Variants in IFNAR1 observed in about 807,000 individuals in gnomAD.
IFNAR1 encodes interferon alpha/beta receptor 1.
In IFNAR1, 47 loss-of-function variants were observed where a neutral mutation model predicts 62.1. The observed-to-expected ratio is 0.76, with a 90% CI of 0.60 to 0.97. The LOEUF is 0.97. Among genes scored for constraint, IFNAR1 ranks in the 50% least tolerant of loss-of-function variants. The pLI is 0.00. For missense variants in IFNAR1, 638 were observed against 654.5 expected, an observed-to-expected ratio of 0.97 and a Z score of 0.27; for synonymous variants, 219 against 226.9, an observed-to-expected ratio of 0.97 and a Z score of 0.31.
chr21:33,338,096 G>A (rs924555360), intron 2 of IFNAR1, among the ~76,000 whole-genome samples: 7 of 152,198 alleles, frequency 4.6e-5, no homozygotes, highest in African/African-American at 1.7e-4. Context: ...GCAAAAGATA[G>A]GAATAGATAT....
chr21:33,330,557 A>C (rs940369988), intron 1 of IFNAR1, among the ~76,000 whole-genome samples: 2 of 152,160 alleles, frequency 1.3e-5, no homozygotes, highest in African/African-American at 4.8e-5. Flanking sequence ...ACACACACAC[A>C]ATGTAGTCTG....
intron 8 of IFNAR1, among the ~76,000 whole-genome samples, chr21:33,349,784 G>C (rs1601863719): frequency 1.3e-5 from 2 of 151,982 alleles, no homozygotes; most frequent in African/African-American, 4.8e-5. Context: ...AAATTAGCCT[G>C]GTGTGGTGGC....
Position 33,345,272 on chromosome 21 carries a change from AAT to A in IFNAR1, c.704_705del (p.Ile235ArgfsTer12). On this transcript the variant is annotated frameshift_variant, in exon 6 of 11. Coordinates refer to ENST00000270139, the MANE Select transcript of IFNAR1 (RefSeq NM_000629.3). LOFTEE classifies it high-confidence loss of function. Reference protein sequence around the residue: ...TVENELPPPENIEVSVQNQNY... With the variant: ...TVENELPPPEXIEVSVQNQNY... ...TGAAAATGAACTACCTCCACCAGAA[AAT>A]ATAGAAGTCAGTGTCCAAAATCAGA... The A allele has an allele frequency of 6.3e-7, 1 of 1,594,274 alleles. No homozygotes were observed. The highest frequency in any genetic ancestry group is 2.2e-5 in the East Asian group (1 of 44,704).
chr21:33,354,317 G>A (rs925630862), intron 10 of IFNAR1, among the ~76,000 whole-genome samples: 1 of 152,188 alleles, frequency 6.6e-6, no homozygotes, highest in African/African-American at 2.4e-5. Context: ...ACTCCAGCCT[G>A]GGTGACAGAG....
At chr21:33,335,858 G>A (rs902196805) in intron 2 of IFNAR1, among the ~76,000 whole-genome samples, 3 of 150,266 alleles carry the variant, frequency 2.0e-5, no homozygotes, top group Non-Finnish European at 2.9e-5. Flanking sequence ...GGATGAGGGT[G>A]GTAGACAGCG....
In IFNAR1 at chr21:33,334,889, A is replaced by G. The variant is rs565899876; in HGVS notation, c.77-635A>G. The G allele has an allele frequency of 4.3e-6, 6 of 1,400,966 alleles. No homozygotes were observed. In the South Asian group the frequency reaches 5.8e-5, roughly 14 times the overall value. The allele number at this position is 1,400,966 out of a possible 1,614,324, so 86.8% of individuals were successfully genotyped here. A position where few individuals can be genotyped will look rare whatever the true frequency, so the allele number is the denominator to read the frequency against. On this transcript the variant is annotated intron_variant, in intron 1 of 10. Transcript: ENST00000270139. ...TAACACAGAGGGGAAAGCTGCTGAG[A>G]TACACTATACTTTCCCACCCCTGCA...
At position 33,336,607 on chromosome 21, in the gene IFNAR1, G is replaced by A. The variant is rs966425676; in HGVS notation, c.200+960G>A. 2.0e-5 allele frequency among the ~76,000 whole-genome samples: 3 copies of A among 152,238 alleles called. No individual in the cohort carries two copies. The East Asian group carries it at 5.8e-4, about 29-fold the overall frequency. On this transcript the variant is annotated intron_variant, in intron 2 of 10. Coordinates refer to ENST00000270139, the MANE Select transcript of IFNAR1 (RefSeq NM_000629.3). ...CCAGCTTCTTTCAATATAAGTTGGGGTCTGAGCTAGGGTATATCTTGAAGA... is the reference window on the plus strand; with the variant it reads ...CCAGCTTCTTTCAATATAAGTTGGGATCTGAGCTAGGGTATATCTTGAAGA...
chr21:33,345,325 A>G lies in IFNAR1; in HGVS notation c.753A>G (p.Thr251=), dbSNP rs1245571141. The G allele has an allele frequency of 6.2e-7, 1 of 1,600,014 alleles. No individual in the cohort carries two copies. The highest frequency in any genetic ancestry group is 1.7e-5 in the Admixed American group (1 of 59,788). The part of the protein sequence containing the change: ...NQNYVLKWDY[T]YANMTFQVQW... ...ACTATGTTCTTAAATGGGATTATAC[A>G]TATGCAAACATGACCTTTCAAGTTC... Residue 251 remains threonine, a synonymous_variant, in exon 6 of 11, where the codon ACA becomes ACG. Transcript: ENST00000270139.
At chr21:33,336,098 A>G (rs2083232182) in intron 2 of IFNAR1, among the ~76,000 whole-genome samples, 1 of 131,020 alleles carries the variant, frequency 7.6e-6, no homozygotes, top group South Asian at 2.6e-4. Flanking sequence ...AACAGGCCCC[A>G]GAGTGTGATG....
At chr21:33,326,153 A>G (rs1044491591) in intron 1 of IFNAR1, among the ~76,000 whole-genome samples, 1 of 152,090 alleles carries the variant, frequency 6.6e-6, no homozygotes, top group African/African-American at 2.4e-5. Context: ...AGTAAATGCA[A>G]TTCTAGGACC....
intron 1 of IFNAR1, chr21:33,335,219 G>A (rs561209207): frequency 5.1e-5 from 23 of 454,720 alleles, no homozygotes; most frequent in East Asian, 7.2e-5. Flanking sequence ...GTGACTCATC[G>A]GTGTCACTTC....
At chr21:33,335,413 C>T (rs1331217694) in intron 1 of IFNAR1, 111 bp from the exon 2 acceptor site, 3 of 551,756 alleles carry the variant, frequency 5.4e-6, no homozygotes, top group Non-Finnish European at 9.1e-6. Context: ...AAATATACTT[C>T]ATTATGTTTC....
Position 33,357,202 on chromosome 21 carries a change from CAA to C in IFNAR1, c.*1655_*1656del, listed in dbSNP as rs547771567. ...ACAGGGACCAGTGAAAGAAAAGAGA[CAA>C]AGTTAGAACGTGCTGGGGAGCGGCC... On this transcript the variant is annotated 3_prime_UTR_variant, in exon 11 of 11. Transcript: ENST00000270139. 6.9e-4 allele frequency: 105 copies of C among 152,328 alleles called. No homozygotes were observed. Among genetic ancestry groups the C allele is most frequent in the African/African-American group, 2.5e-3 (103 of 41,572 alleles). 9.4% of individuals were successfully genotyped at this position (152,328 alleles called of 1,614,324 possible).
chr21:33,333,858 C>T (rs941188681), intron 1 of IFNAR1, among the ~76,000 whole-genome samples: 2 of 151,736 alleles, frequency 1.3e-5, no homozygotes, highest in African/African-American at 2.4e-5. Flanking sequence ...CTCCTGACCT[C>T]GTGATCCACC....
intron 5 of IFNAR1, among the ~76,000 whole-genome samples, chr21:33,344,777 T>C (rs1292987495): frequency 6.7e-6 from 1 of 149,298 alleles, no homozygotes; most frequent in Non-Finnish European, 1.5e-5. Context: ...TATTTATTTA[T>C]TTATTTATTT....
At chr21:33,337,435 C>A (rs2083248595) in intron 2 of IFNAR1, among the ~76,000 whole-genome samples, 1 of 151,998 alleles carries the variant, frequency 6.6e-6, no homozygotes, top group African/African-American at 2.4e-5. Flanking sequence ...GCCCCACCTG[C>A]CAACCATGTT....
chr21:33,338,531 C>CAAA (rs767390109), intron 2 of IFNAR1, among the ~76,000 whole-genome samples: 17,495 of 115,926 alleles, frequency 0.15, 2,792 homozygotes, highest in African/African-American at 0.39. Flanking sequence ...GACTTCATCT[C>CAAA]AAAAAAAAAA....
At chr21:33,346,420 T>C (rs2083347419) in intron 6 of IFNAR1, among the ~76,000 whole-genome samples, 1 of 152,192 alleles carries the variant, frequency 6.6e-6, no homozygotes, top group South Asian at 2.1e-4. Flanking sequence ...GGGTGACTGG[T>C]AGAATGCAAA....
At chr21:33,346,450 G>GC (rs1161132760) in intron 6 of IFNAR1, among the ~76,000 whole-genome samples, 5 of 152,180 alleles carry the variant, frequency 3.3e-5, no homozygotes, top group African/African-American at 9.7e-5. Flanking sequence ...GTGCATATGT[G>GC]CCCCACAATG....
Sources: gnomAD v4.1 joint callset for allele counts (sites outside exome capture counted in the v4.1 genomes callset) on GRCh38, gnomAD v4.1.1 for gene constraint, MANE v1.5 for transcripts, NCBI Gene and HGNC (gene_info 2026-07-23, HGNC 2026-07-21) for gene names.